ZBTB7C: variants seen among roughly 807,000 people sequenced by gnomAD.
ZBTB7C encodes zinc finger and BTB domain-containing protein 7C.
ZBTB7C carries 8 observed loss-of-function variants against 25.7 expected under a neutral mutation model. The observed-to-expected ratio is 0.31, with a 90% confidence interval of 0.18 to 0.56. The LOEUF is 0.56. Among genes scored for constraint, ZBTB7C ranks in the 20% least tolerant of loss-of-function variants. The probability of loss-of-function intolerance (pLI) is 0.91; values close to 1 mark genes in which losing one functional copy is unlikely to be tolerated. For synonymous variants in ZBTB7C, 394 were observed against 369.0 expected (o/e 1.07, Z -0.78); for missense variants, 824 against 855.2 (o/e 0.96, Z 0.46).
chr18:48,066,619 G>A (rs2037339874), intron 3 of ZBTB7C, among the ~76,000 whole-genome samples: 1 of 152,152 alleles, frequency 6.6e-6, no homozygotes, highest in African/African-American at 2.4e-5. Flanking sequence ...CCTCTACTTA[G>A]AGGCTGAGTC....
chr18:48,381,606 G>C (rs1477343903), intron 1 of ZBTB7C, among the ~76,000 whole-genome samples: 3 of 152,236 alleles, frequency 2.0e-5, no homozygotes, highest in Admixed American at 2.0e-4. Flanking sequence ...CCAAAATTAT[G>C]ACATAAATAT....
chr18:48,037,168 G>A (rs1204463753), intron 4 of ZBTB7C, among the ~76,000 whole-genome samples: 2 of 152,224 alleles, frequency 1.3e-5, no homozygotes, highest in African/African-American at 2.4e-5. Flanking sequence ...GATCTTTTTC[G>A]GGAGGGTCAG....
chr18:48,041,188 T>C, intron 3 of ZBTB7C, 65 bp from the exon 4 acceptor site: 1 of 1,501,580 alleles, frequency 6.7e-7, no homozygotes, highest in Non-Finnish European at 8.9e-7. Context: ...GTCTCAACTC[T>C]AGGACTCTGA....
intron 3 of ZBTB7C, among the ~76,000 whole-genome samples, chr18:48,083,586 C>T (rs1257809338): frequency 2.0e-5 from 3 of 152,140 alleles, no homozygotes; most frequent in African/African-American, 7.2e-5. Context: ...TTGTGTCTGA[C>T]CCCACTCACA....
intron 1 of ZBTB7C, among the ~76,000 whole-genome samples, chr18:48,383,717 T>C (rs1321747686): frequency 6.6e-6 from 1 of 152,188 alleles, no homozygotes; most frequent in African/African-American, 2.4e-5. Flanking sequence ...CACCTGAGTC[T>C]GGCACGTTGT....
intron 3 of ZBTB7C, among the ~76,000 whole-genome samples, chr18:48,151,500 G>A (rs1485932410): frequency 6.6e-6 from 1 of 152,136 alleles, no homozygotes; most frequent in African/African-American, 2.4e-5. Context: ...TCACCACAGC[G>A]CTGCCAGCAT....
In ZBTB7C at chr18:48,092,301, G is replaced by A. The variant is rs142657123; in HGVS notation, c.-16-51178C>T. On this transcript the variant is annotated intron_variant, in intron 3 of 4. Transcript: ENST00000590800. ...CAGCCTTGCCCTGGTATGCCCCAACGCCCCTGTACCCATTAGCTGAGCTGC... is the reference window on the plus strand; with the variant it reads ...CAGCCTTGCCCTGGTATGCCCCAACACCCCTGTACCCATTAGCTGAGCTGC... Among the ~76,000 whole-genome samples the A allele has an allele frequency of 3.0e-4, 45 of 152,314 alleles. 1 individual carries two copies. The East Asian group carries it at 8.3e-3, about 28-fold the overall frequency.
At chr18:48,155,868 C>T (rs76758251) in intron 3 of ZBTB7C, among the ~76,000 whole-genome samples, 3,111 of 152,262 alleles carry the variant, frequency 0.02, 112 homozygotes, top group African/African-American at 0.071. Flanking sequence ...TTATCTCAAA[C>T]TGTACTGTGT....
At chr18:48,175,614 G>T (rs1261505341) in intron 3 of ZBTB7C, among the ~76,000 whole-genome samples, 1 of 152,096 alleles carries the variant, frequency 6.6e-6, no homozygotes, top group Non-Finnish European at 1.5e-5. Context: ...ACCCAGCAAC[G>T]AGCAAACCCA....
At chr18:48,317,557 T>G (rs1476396803) in intron 2 of ZBTB7C, among the ~76,000 whole-genome samples, 2 of 152,172 alleles carry the variant, frequency 1.3e-5, no homozygotes, top group Non-Finnish European at 2.9e-5. Context: ...GAGAGCTTGT[T>G]TGCAAAGTAC....
chr18:48,353,577 C>G (rs1477195098), intron 1 of ZBTB7C, among the ~76,000 whole-genome samples: 1 of 152,136 alleles, frequency 6.6e-6, no homozygotes, highest in East Asian at 1.9e-4. Flanking sequence ...GAGTCCCTGT[C>G]CCCCAGTATT....
chr18:48,275,034 A>G (rs561466713), intron 2 of ZBTB7C, among the ~76,000 whole-genome samples: 4 of 151,686 alleles, frequency 2.6e-5, no homozygotes, highest in African/African-American at 4.8e-5. Context: ...CTTGAAGCCA[A>G]AGTTATTTTT....
At chr18:48,396,181 T>G (rs2048025898) in intron 1 of ZBTB7C, among the ~76,000 whole-genome samples, 1 of 152,190 alleles carries the variant, frequency 6.6e-6, no homozygotes, top group Non-Finnish European at 1.5e-5. Context: ...CACAACTACT[T>G]TCCAATGGCA....
At chr18:48,383,767 C>T (rs1409149718) in intron 1 of ZBTB7C, among the ~76,000 whole-genome samples, 1 of 151,980 alleles carries the variant, frequency 6.6e-6, no homozygotes, top group Non-Finnish European at 1.5e-5. Context: ...GGTTGTGGTG[C>T]CTAGGTAAGG....
chr18:48,380,423 T>C (rs2047609326), intron 1 of ZBTB7C, among the ~76,000 whole-genome samples: 1 of 152,180 alleles, frequency 6.6e-6, no homozygotes, highest in Non-Finnish European at 1.5e-5. Flanking sequence ...ACTAAAACAA[T>C]CCATGAGATG....
intron 3 of ZBTB7C, among the ~76,000 whole-genome samples, chr18:48,069,045 A>G (rs2037443772): frequency 1.3e-5 from 2 of 152,234 alleles, no homozygotes; most frequent in African/African-American, 2.4e-5. Flanking sequence ...CCTGCCAGGT[A>G]GGCCGCCTCT....
intron 3 of ZBTB7C, among the ~76,000 whole-genome samples, chr18:48,127,290 G>C (rs2039834034): frequency 6.6e-6 from 1 of 152,200 alleles, no homozygotes; most frequent in South Asian, 2.1e-4. Flanking sequence ...CCAGCTCAGA[G>C]CACCTCCCTG....
intron 2 of ZBTB7C, among the ~76,000 whole-genome samples, chr18:48,226,399 C>T (rs934026286): frequency 3.3e-5 from 5 of 152,206 alleles, no homozygotes; most frequent in Non-Finnish European, 7.3e-5. Flanking sequence ...AACAATCAAT[C>T]ACAATCAACC....
intron 1 of ZBTB7C, among the ~76,000 whole-genome samples, chr18:48,367,188 TATATATATATATATACACACACAC>T (rs1283863936): frequency 0.013 from 348 of 27,678 alleles, 25 homozygotes; most frequent in South Asian, 0.031. Flanking sequence ...TATATATATA[TATATATATATATATACACACACAC>T]ACACACACAC....
Sources: gnomAD v4.1 joint callset for allele counts (sites outside exome capture counted in the v4.1 genomes callset) on GRCh38, gnomAD v4.1.1 for gene constraint, MANE v1.5 for transcripts, NCBI Gene and HGNC (gene_info 2026-07-23, HGNC 2026-07-21) for gene names.